The following ZNF423 variants were observed in gnomAD, a reference collection of about 807,000 sequenced individuals.
The protein encoded by ZNF423 is Ebf-associated zinc finger protein.
Under a neutral mutation model 95.8 loss-of-function variants are expected in ZNF423, and 12 were observed. The ratio of observed to expected loss-of-function variants is 0.13; its 90% CI spans 0.08 to 0.20. ZNF423 has a LOEUF of 0.20. Among genes scored for constraint, ZNF423 ranks in the 10% least tolerant of loss-of-function variants. The pLI is 1.00. For missense variants in ZNF423, 1,316 were observed against 1,737.1 expected, an observed-to-expected ratio of 0.76 and a Z score of 4.31; for synonymous variants, 749 against 711.9, an observed-to-expected ratio of 1.05 and a Z score of -0.83.
chr16:49,504,717 G>T (rs1394552769), intron 7 of ZNF423, among the ~76,000 whole-genome samples: 1 of 152,206 alleles, frequency 6.6e-6, no homozygotes, highest in Non-Finnish European at 1.5e-5. Flanking sequence ...TCCTCAGCTG[G>T]GTGGGAGGGA....
intron 3 of ZNF423, among the ~76,000 whole-genome samples, chr16:49,647,860 T>C (rs1252312628): frequency 6.6e-6 from 1 of 152,204 alleles, no homozygotes; most frequent in East Asian, 1.9e-4. Flanking sequence ...AGCAAACTAA[T>C]ACAGATTTTG....
At chr16:49,651,070 T>C (rs1176746442) in intron 3 of ZNF423, among the ~76,000 whole-genome samples, 1 of 151,964 alleles carries the variant, frequency 6.6e-6, no homozygotes, top group African/African-American at 2.4e-5. Flanking sequence ...ACCTAGGCTG[T>C]AGTGCAGTGA....
At chr16:49,854,028 A>G (rs2035329785) in intron 1 of ZNF423, 7 of 985,242 alleles carry the variant, frequency 7.1e-6, no homozygotes, top group Non-Finnish European at 7.2e-6. Flanking sequence ...AAGAGAAAAG[A>G]AATCCAGTAT....
At chr16:49,753,353 G>T (rs978005652) in intron 2 of ZNF423, among the ~76,000 whole-genome samples, 1 of 151,696 alleles carries the variant, frequency 6.6e-6, no homozygotes, top group African/African-American at 2.4e-5. Flanking sequence ...TATAATACTA[G>T]CACTTTGCGA....
intron 1 of ZNF423, chr16:49,822,567 G>T: frequency 1.1e-6 from 1 of 918,190 alleles, no homozygotes; most frequent in Non-Finnish European, 1.6e-6. Flanking sequence ...AGTCAGAAGG[G>T]ATGAGACCCA....
intron 5 of ZNF423, among the ~76,000 whole-genome samples, chr16:49,560,929 CAGG>C (rs897307674): frequency 2.3e-4 from 35 of 152,160 alleles, no homozygotes; most frequent in African/African-American, 8.2e-4. Flanking sequence ...ACCGTGTTTC[CAGG>C]GCAGGAGGCT....
intron 5 of ZNF423, among the ~76,000 whole-genome samples, chr16:49,552,054 A>G (rs1421853638): frequency 6.6e-6 from 1 of 152,214 alleles, no homozygotes; most frequent in East Asian, 1.9e-4. Context: ...GCTTCTCTTG[A>G]AAACTCAGAA....
At chr16:49,816,170 T>G (rs1426304461) in intron 1 of ZNF423, among the ~76,000 whole-genome samples, 2 of 151,976 alleles carry the variant, frequency 1.3e-5, no homozygotes, top group African/African-American at 4.8e-5. Flanking sequence ...CCACCTGCTT[T>G]GGCTTCCCAA....
intron 3 of ZNF423, chr16:49,640,699 C>T (rs763618401): frequency 5.3e-5 from 8 of 152,302 alleles, no homozygotes; most frequent in Non-Finnish European, 8.8e-5. Flanking sequence ...CGCAGTTCTC[C>T]AAAGCTCCCG....
chr16:49,575,550 G>C lies in ZNF423; in HGVS notation c.3602-50056C>G, dbSNP rs556730793. 4.6e-5 allele frequency among the ~76,000 whole-genome samples: 7 copies of C among 152,268 alleles called. No homozygotes were observed. In the South Asian group the frequency reaches 1.5e-3, roughly 32 times the overall value. Reference sequence around the variant, plus strand: ...TGGCTGCCCCAGTCCTCGTTCAGCAGCACAGGGAGATAGGCCCGACTGTGC... The same window carrying C: ...TGGCTGCCCCAGTCCTCGTTCAGCACCACAGGGAGATAGGCCCGACTGTGC... On this transcript the variant is annotated intron_variant, in intron 5 of 7. Transcript: ENST00000563137.
chr16:49,819,317 A>C (rs552970758), intron 1 of ZNF423, among the ~76,000 whole-genome samples: 11 of 151,488 alleles, frequency 7.3e-5, no homozygotes, highest in African/African-American at 2.7e-4. Context: ...CTCAAAACCC[A>C]TATGTGGCTA....
intron 3 of ZNF423, among the ~76,000 whole-genome samples, chr16:49,657,801 T>C (rs2029965923): frequency 6.6e-6 from 1 of 152,060 alleles, no homozygotes; most frequent in Non-Finnish European, 1.5e-5. Flanking sequence ...TGTTCAGGGG[T>C]CCTCCCTGCA....
At chr16:49,545,936 C>T (rs1166412751) in intron 5 of ZNF423, among the ~76,000 whole-genome samples, 1 of 152,238 alleles carries the variant, frequency 6.6e-6, no homozygotes, top group Non-Finnish European at 1.5e-5. Flanking sequence ...GCCTTTCAAC[C>T]ACAGAGCTGT....
chr16:49,816,309 C>T (rs1219320227), intron 1 of ZNF423, among the ~76,000 whole-genome samples: 1 of 152,072 alleles, frequency 6.6e-6, no homozygotes, highest in African/African-American at 2.4e-5. Flanking sequence ...AACCTTCCCC[C>T]AGGATTTCAA....
At chr16:49,544,392 A>T (rs550128375) in intron 5 of ZNF423, among the ~76,000 whole-genome samples, 15 of 152,328 alleles carry the variant, frequency 9.8e-5, no homozygotes, top group Admixed American at 4.6e-4. Flanking sequence ...ACAAAGTTTT[A>T]AAAAACCCTC....
intron 3 of ZNF423, among the ~76,000 whole-genome samples, chr16:49,656,510 A>G (rs1039884511): frequency 1.3e-5 from 2 of 149,230 alleles, no homozygotes; most frequent in African/African-American, 4.9e-5. Flanking sequence ...ACTCTGTCTT[A>G]AAAAAAAAAG....
chr16:49,854,278 G>C (rs2035332628), intron 1 of ZNF423: 1 of 985,310 alleles, frequency 1.0e-6, no homozygotes, highest in African/African-American at 1.7e-5. Flanking sequence ...GCTCCGTTTG[G>C]ACTCAGTTGG....
At chr16:49,520,654 A>T (rs1239982915) in intron 7 of ZNF423, among the ~76,000 whole-genome samples, 1 of 152,174 alleles carries the variant, frequency 6.6e-6, no homozygotes, top group Non-Finnish European at 1.5e-5. Context: ...GAAACCAGCA[A>T]GGATAGAACT....
intron 5 of ZNF423, among the ~76,000 whole-genome samples, chr16:49,546,777 C>T (rs547194878): frequency 6.6e-6 from 1 of 152,228 alleles, no homozygotes; most frequent in Admixed American, 6.5e-5. Context: ...CTCAGCCCCA[C>T]CCTGATCTGC....
Sources: allele counts gnomAD v4.1 joint callset (sites outside exome capture counted in the v4.1 genomes callset), GRCh38; gene constraint gnomAD v4.1.1; transcripts MANE v1.5; gene names NCBI Gene and HGNC (gene_info 2026-07-23, HGNC 2026-07-21).